The following DISC1 variants were observed in gnomAD, a reference collection of about 807,000 sequenced individuals.
The protein encoded by DISC1 is DISC1 scaffold protein, also known as disrupted in schizophrenia 1 protein.
DISC1 carries 57 observed loss-of-function variants against 84.5 expected under a neutral mutation model. The ratio of observed to expected loss-of-function variants is 0.67; its 90% CI spans 0.55 to 0.84. DISC1 has a LOEUF of 0.84. Among genes scored for constraint, DISC1 ranks in the 40% least tolerant of loss-of-function variants. The probability of loss-of-function intolerance (pLI) is 0.00; values close to 1 mark genes in which losing one functional copy is unlikely to be tolerated. For synonymous variants in DISC1, 411 were observed against 415.2 expected (o/e 0.99, Z 0.12); for missense variants, 1,000 against 1,057.8 (o/e 0.95, Z 0.76).
chr1:231,932,831 C>T (rs1558749767), intron 9 of DISC1, among the ~76,000 whole-genome samples: 1 of 152,108 alleles, frequency 6.6e-6, no homozygotes, highest in Non-Finnish European at 1.5e-5. Context: ...CTAGAGTTGG[C>T]ATCCTAAAAT....
chr1:231,863,968 G>A (rs891145592), intron 9 of DISC1, among the ~76,000 whole-genome samples: 4 of 152,116 alleles, frequency 2.6e-5, no homozygotes, highest in Non-Finnish European at 4.4e-5. Flanking sequence ...TCTTGCACTG[G>A]GGAGTTCTGT....
intron 3 of DISC1, among the ~76,000 whole-genome samples, chr1:231,740,665 T>TG (rs2073137527): frequency 6.6e-6 from 1 of 152,220 alleles, no homozygotes; most frequent in Admixed American, 6.5e-5. Context: ...TCCAATATTT[T>TG]GGGGGGTTTT....
rs530661133 is a variant in DISC1 at position 231,694,771 on chromosome 1, G to A, written c.1013G>A (p.Arg338Gln). 262 of 1,613,948 alleles carry A rather than the reference G, an allele frequency of 1.6e-4. 3 individuals carry two copies. In the South Asian group the frequency reaches 2.6e-3, roughly 16 times the overall value. Reference protein sequence around the residue: ...TLLRKWEPVLRDCLLRNRRQM... With the variant: ...TLLRKWEPVLQDCLLRNRRQM... ...CTCAGGAAATGGGAGCCAGTGCTGC[G>A]GGACTGCCTGCTGAGAAACCGGAGG... The change falls in exon 2 of 13, where the codon CGG (arginine) becomes CAG (glutamine). Residue 338 changes from arginine to glutamine, a missense_variant. Physicochemically the swap from Arg to Gln is conservative, Grantham distance 43. This residue lies in a region of DISC1 where 311 missense variants were observed against 400.1 expected (regional missense o/e 0.78). Coordinates refer to ENST00000439617, the MANE Select transcript of DISC1 (RefSeq NM_018662.3).
rs59801477 is a variant in DISC1 at position 231,950,204 on chromosome 1, C to CTGTGTGTGTGTGTGTGTG, written c.1982-8597_1982-8580dup. On this transcript the variant is annotated intron_variant, in intron 9 of 12. Transcript: ENST00000439617. The stretch of plus-strand genomic sequence containing the variant: ...CTATAAAAAAGAATGAAAAAAAATT[C>CTGTGTGTGTGTGTGTGTG]TGTGTGTGTGTGTGTGTGTGTGTGT... 3.2e-4 allele frequency among the ~76,000 whole-genome samples: 45 copies of CTGTGTGTGTGTGTGTGTG among 139,524 alleles called. No homozygotes were observed. In the East Asian group the frequency reaches 3.4e-3, roughly 11 times the overall value. The allele number at this position is 139,524 out of a possible 152,430, so 91.5% of individuals were successfully genotyped here.
intron 9 of DISC1, among the ~76,000 whole-genome samples, chr1:231,923,120 A>G (rs907648137): frequency 3.3e-5 from 5 of 151,738 alleles, no homozygotes; most frequent in African/African-American, 1.2e-4. Flanking sequence ...TACTAAAAAC[A>G]CACACACAAA....
intron 8 of DISC1, among the ~76,000 whole-genome samples, chr1:231,800,742 T>C (rs1476157505): frequency 6.6e-6 from 1 of 152,152 alleles, no homozygotes; most frequent in African/African-American, 2.4e-5. Context: ...TTTCAAACAC[T>C]CCTCTGGATT....
At chr1:231,804,705 T>C (rs955351641) in intron 8 of DISC1, among the ~76,000 whole-genome samples, 1 of 152,168 alleles carries the variant, frequency 6.6e-6, no homozygotes, top group Non-Finnish European at 1.5e-5. Context: ...GAGGAAAAGC[T>C]CAGCTATTTC....
intron 9 of DISC1, among the ~76,000 whole-genome samples, chr1:231,927,316 A>C (rs138319766): frequency 3.9e-5 from 6 of 152,348 alleles, no homozygotes; most frequent in Admixed American, 2.6e-4. Flanking sequence ...AGAACACTAA[A>C]AAGCAGGATC....
intron 1 of DISC1, among the ~76,000 whole-genome samples, chr1:231,684,401 G>A (rs2064009824): frequency 6.6e-6 from 1 of 152,058 alleles, no homozygotes; most frequent in African/African-American, 2.4e-5. Context: ...TACATGTGCT[G>A]TTTGAAAATA....
chr1:231,831,953 A>G (rs551978725), intron 9 of DISC1, among the ~76,000 whole-genome samples: 61 of 151,826 alleles, frequency 4.0e-4, no homozygotes, highest in African/African-American at 1.5e-3. Flanking sequence ...TGGAACTGCC[A>G]TCAATAAACC....
chr1:231,906,010 A>C (rs1305524562), intron 9 of DISC1, among the ~76,000 whole-genome samples: 1 of 140,066 alleles, frequency 7.1e-6, no homozygotes, highest in Non-Finnish European at 1.5e-5. Context: ...GAATTCGCTG[A>C]GGTCATGGCT....
intron 9 of DISC1, among the ~76,000 whole-genome samples, chr1:231,937,490 C>T (rs537161739): frequency 6.6e-6 from 1 of 152,318 alleles, no homozygotes; most frequent in Middle Eastern, 3.4e-3. Context: ...TTTTATGCAA[C>T]AGGAGGGACA....
chr1:231,906,548 C>T (rs1239978750), intron 9 of DISC1, among the ~76,000 whole-genome samples: 1 of 152,160 alleles, frequency 6.6e-6, no homozygotes, highest in African/African-American at 2.4e-5. Flanking sequence ...TGTGTGAAAG[C>T]AAGGACAAAA....
intron 6 of DISC1, among the ~76,000 whole-genome samples, chr1:231,777,367 C>G (rs184566581): frequency 3.3e-4 from 50 of 152,164 alleles, no homozygotes; most frequent in Non-Finnish European, 6.5e-4. Flanking sequence ...ATTATAGGTG[C>G]ATGTCACCAT....
At position 232,026,485 on chromosome 1, in the gene DISC1, C is replaced by T. The variant is rs753751402; in HGVS notation, c.2358C>T (p.Gly786=). The T allele has an allele frequency of 1.2e-6, 2 of 1,608,816 alleles. No homozygotes were observed. The highest frequency in any genetic ancestry group is 1.6e-4 in the Middle Eastern group (1 of 6,078). ...AELGEKCEDI[G]KKLLYLEDQL... is the part of the protein sequence containing the mutation. ...TTGGAGAAAAGTGTGAAGACATAGGCAAGAAGCTATTGTACTTGGAAGATC... is the reference window on the plus strand; with the variant it reads ...TTGGAGAAAAGTGTGAAGACATAGGTAAGAAGCTATTGTACTTGGAAGATC... The change falls in exon 12 of 13, where the codon GGC becomes GGT. Residue 786 remains glycine, a synonymous_variant. Transcript: ENST00000439617.
chr1:231,965,493 C>T (rs1660971709), intron 10 of DISC1, among the ~76,000 whole-genome samples: 1 of 152,216 alleles, frequency 6.6e-6, no homozygotes. Flanking sequence ...CTCCTAACAG[C>T]CTCTCTTCCC....
intron 3 of DISC1, among the ~76,000 whole-genome samples, chr1:231,718,170 T>A (rs546179836): frequency 6.6e-6 from 1 of 152,260 alleles, no homozygotes; most frequent in Non-Finnish European, 1.5e-5. Flanking sequence ...TCTTAATGGG[T>A]CCTTGGTTTC....
intron 10 of DISC1, among the ~76,000 whole-genome samples, chr1:231,986,220 C>T (rs200946687): frequency 7.9e-5 from 12 of 152,182 alleles, no homozygotes; most frequent in Non-Finnish European, 1.6e-4. Flanking sequence ...TCCCTGTCCC[C>T]AGCTTCTCCT....
chr1:231,907,793 A>C (rs943671211), intron 9 of DISC1, among the ~76,000 whole-genome samples: 3 of 152,220 alleles, frequency 2.0e-5, no homozygotes, highest in Admixed American at 6.5e-5. Flanking sequence ...TCCCACCAAC[A>C]GTGTAAAAGT....
Sources: gnomAD v4.1 joint callset for allele counts (sites outside exome capture counted in the v4.1 genomes callset) on GRCh38, gnomAD v4.1.1 for gene constraint, gnomAD v4.1.1 regional missense constraint, MANE v1.5 for transcripts, NCBI Gene and HGNC (gene_info 2026-07-23, HGNC 2026-07-21) for gene names.